Variants in PLEK2 observed in about 807,000 individuals in gnomAD.
The protein encoded by PLEK2 is pleckstrin 2, also known as pleckstrin-2.
In PLEK2, 29 loss-of-function variants were observed where a neutral mutation model predicts 43.8. The ratio of observed to expected loss-of-function variants is 0.66; its 90% CI spans 0.49 to 0.90. The LOEUF (loss-of-function observed/expected upper bound fraction) is 0.90. Ranked by LOEUF, PLEK2 falls within the 40% of genes least tolerant of loss-of-function variation. The pLI is 0.00. For synonymous variants in PLEK2, 162 were observed against 173.2 expected (o/e 0.94, Z 0.51); for missense variants, 398 against 448.1 (o/e 0.89, Z 1.01).
At chr14:67,393,330 G>T in intron 3 of PLEK2, 89 bp from the exon 4 acceptor site, 1 of 866,960 alleles carries the variant, frequency 1.2e-6, no homozygotes. Flanking sequence ...AGGGTATAAA[G>T]CAAGTGGCAA....
intron 2 of PLEK2, 99 bp from the exon 3 acceptor site, chr14:67,395,682 G>A: frequency 1.1e-6 from 1 of 895,902 alleles, no homozygotes; most frequent in East Asian, 2.5e-5. Flanking sequence ...AGGTGACAGT[G>A]ACTGCCAAAT....
At chr14:67,411,753 G>A (rs1362517339) in intron 1 of PLEK2, among the ~76,000 whole-genome samples, 1 of 152,156 alleles carries the variant, frequency 6.6e-6, no homozygotes, top group East Asian at 1.9e-4. Context: ...TAAGACACAC[G>A]CTTCAGTACC....
intron 7 of PLEK2, among the ~76,000 whole-genome samples, chr14:67,388,726 C>CCCTGAT: frequency 6.6e-6 from 1 of 152,154 alleles, no homozygotes; most frequent in Non-Finnish European, 1.5e-5. Flanking sequence ...GTCTTTCAGG[C>CCCTGAT]TGGAGTGCAG....
Position 67,397,803 on chromosome 14 carries a change from C to T in PLEK2, c.66G>A (p.Lys22=), listed in dbSNP as rs2086021541. 6.2e-7 allele frequency: 1 copy of T among 1,612,192 alleles called. No homozygotes were observed. The highest frequency in any genetic ancestry group is 1.1e-5 in the South Asian group (1 of 90,358). The part of the protein sequence containing the change: ...VKRGHIVHNW[K]ARWFILRQNT... ...TCTGCCGAAGGATGAACCATCGCGC[C>T]TTCCAGTTGTGGACAATGTGGCCCT... Residue 22 remains lysine (K), a synonymous_variant, in exon 2 of 9, where the codon AAG becomes AAA. Transcript: ENST00000216446.
chr14:67,396,472 T>C (rs1191003084), intron 2 of PLEK2, among the ~76,000 whole-genome samples: 1 of 151,726 alleles, frequency 6.6e-6, no homozygotes, highest in African/African-American at 2.4e-5. Context: ...CATCAGACCA[T>C]GCTCTCACTC....
intron 3 of PLEK2, among the ~76,000 whole-genome samples, chr14:67,394,175 T>G (rs1477962659): frequency 6.6e-6 from 1 of 152,186 alleles, no homozygotes; most frequent in African/African-American, 2.4e-5. Context: ...GTTCTTATAT[T>G]TCTATGCCAG....
chr14:67,390,989 G>A lies in PLEK2; in HGVS notation c.772-243C>T, dbSNP rs535999752. Among the ~76,000 whole-genome samples, 28 of 152,238 alleles carry A rather than the reference G, an allele frequency of 1.8e-4. No homozygotes were observed. The South Asian group carries it at 4.8e-3, about 26-fold the overall frequency. The stretch of plus-strand genomic sequence containing the variant: ...CTTAAGTCAAGTCAGCAGAGCCAAA[G>A]AGAGTCCATGCAGAAGGAAAGGGGA... On this transcript the variant is annotated intron_variant, in intron 6 of 8. Transcript: ENST00000216446.
chr14:67,397,046 C>T (rs1032162207), intron 2 of PLEK2, among the ~76,000 whole-genome samples: 2 of 100,530 alleles, frequency 2.0e-5, no homozygotes, highest in African/African-American at 1.5e-4. Flanking sequence ...TCAAGCGATT[C>T]TCCTGCCTCA....
At chr14:67,408,481 G>C (rs922209549) in intron 1 of PLEK2, among the ~76,000 whole-genome samples, 1 of 152,118 alleles carries the variant, frequency 6.6e-6, no homozygotes, top group Non-Finnish European at 1.5e-5. Context: ...TAGGGTCTTT[G>C]CAGATGTAAT....
At chr14:67,398,110 C>T (rs1025126030) in intron 1 of PLEK2, 8 of 294,354 alleles carry the variant, frequency 2.7e-5, no homozygotes, top group African/African-American at 8.6e-5. Flanking sequence ...TGCTAGGAGA[C>T]AGCCATTGCT....
intron 1 of PLEK2, among the ~76,000 whole-genome samples, chr14:67,410,648 A>G (rs955286826): frequency 6.6e-6 from 1 of 152,192 alleles, no homozygotes; most frequent in African/African-American, 2.4e-5. Flanking sequence ...ATGTGGACAC[A>G]TTTTGTGGGG....
intron 1 of PLEK2, among the ~76,000 whole-genome samples, chr14:67,407,808 G>C (rs1371966083): frequency 6.6e-6 from 1 of 152,060 alleles, no homozygotes; most frequent in Admixed American, 6.6e-5. Context: ...CTATAACCCT[G>C]AGAAAAGCAG....
chr14:67,393,019 G>A, intron 4 of PLEK2, 131 bp downstream of exon 4: 1 of 880,156 alleles, frequency 1.1e-6, no homozygotes, highest in African/African-American at 1.6e-5. Context: ...CCCACACATG[G>A]CCATCTCAGG....
intron 4 of PLEK2, 115 bp from the exon 5 acceptor site, chr14:67,392,964 A>G (rs2296563): frequency 0.11 from 104,499 of 917,758 alleles, 13,008 homozygotes; most frequent in East Asian, 0.46. Flanking sequence ...TCTACGCAAG[A>G]GCAGACTGAA....
chr14:67,397,854 T>C (rs1566627581), intron 1 of PLEK2, 28 bp from the exon 2 acceptor site: 3 of 1,583,484 alleles, frequency 1.9e-6, no homozygotes, highest in Non-Finnish European at 2.6e-6. Context: ...AGCCCTGAGG[T>C]GAGGCGGTCA....
chr14:67,388,000 G>T (rs2085938917), intron 8 of PLEK2, among the ~76,000 whole-genome samples: 1 of 152,184 alleles, frequency 6.6e-6, no homozygotes, highest in South Asian at 2.1e-4. Flanking sequence ...CACAGAAACT[G>T]AGGGGAAAGA....
At chr14:67,404,954 C>T (rs2086069501) in intron 1 of PLEK2, among the ~76,000 whole-genome samples, 1 of 151,560 alleles carries the variant, frequency 6.6e-6, no homozygotes, top group African/African-American at 2.4e-5. Context: ...AGAATGGTGG[C>T]CAGGTGCGGT....
Position 67,398,069 on chromosome 14 carries a change from A to G in PLEK2, c.43-243T>C, listed in dbSNP as rs548191560. 205 of 360,000 alleles carry G rather than the reference A, an allele frequency of 5.7e-4. 1 individual carries two copies. Among genetic ancestry groups the G allele is most frequent in the African/African-American group, 4.0e-3 (191 of 48,040 alleles). The allele number at this position is 360,000 out of a possible 1,614,324, so 22.3% of individuals were successfully genotyped here. A position where few individuals can be genotyped will look rare whatever the true frequency, so the allele number is the denominator to read the frequency against. On this transcript the variant is annotated intron_variant, in intron 1 of 8. Coordinates refer to ENST00000216446, the MANE Select transcript of PLEK2 (RefSeq NM_016445.3). ...TCTTGAAAGAAACTACAAAGTAAAA[A>G]GAAGAGAAAAATCACTTCCTGTAAT...
At chr14:67,411,404 TA>T (rs1405725150) in intron 1 of PLEK2, among the ~76,000 whole-genome samples, 1 of 152,036 alleles carries the variant, frequency 6.6e-6, no homozygotes, top group Admixed American at 6.6e-5. Flanking sequence ...CCGTCTGTAA[TA>T]GAGTGATGTC....
Sources: gnomAD v4.1 joint callset for allele counts (sites outside exome capture counted in the v4.1 genomes callset) on GRCh38, gnomAD v4.1.1 for gene constraint, MANE v1.5 for transcripts, NCBI Gene and HGNC (gene_info 2026-07-23, HGNC 2026-07-21) for gene names.